The following PRDM16 variants were observed in gnomAD, a reference collection of about 807,000 sequenced individuals.
PRDM16 encodes the protein PR/SET domain 16, also known as histone-lysine N-methyltransferase PRDM16.
Under a neutral mutation model 110.6 loss-of-function variants are expected in PRDM16, and 23 were observed. The ratio of observed to expected loss-of-function variants is 0.21; its 90% CI spans 0.15 to 0.29. The LOEUF (loss-of-function observed/expected upper bound fraction) is 0.29, where lower values mean the gene tolerates loss of function less well. Ranked by LOEUF, PRDM16 falls within the 10% of genes least tolerant of loss-of-function variation. The pLI, the probability that PRDM16 is intolerant of heterozygous loss-of-function variation, is 1.00. For missense variants in PRDM16, 1,615 were observed against 1,794.3 expected, an observed-to-expected ratio of 0.90 and a Z score of 1.81; for synonymous variants, 799 against 781.8, an observed-to-expected ratio of 1.02 and a Z score of -0.37.
At chr1:3,189,087 G>C (rs1386419793) in intron 2 of PRDM16, among the ~76,000 whole-genome samples, 1 of 152,226 alleles carries the variant, frequency 6.6e-6, no homozygotes, top group Non-Finnish European at 1.5e-5. Flanking sequence ...CTCCTTCTCT[G>C]AGGACTTCTT....
intron 3 of PRDM16, among the ~76,000 whole-genome samples, chr1:3,251,854 A>G (rs1253567770): frequency 1.3e-5 from 2 of 152,230 alleles, no homozygotes; most frequent in Non-Finnish European, 2.9e-5. Context: ...GGAGAGAAAA[A>G]TAGATCAGCT....
chr1:3,263,903 A>G (rs1475689807), intron 3 of PRDM16, among the ~76,000 whole-genome samples: 1 of 152,136 alleles, frequency 6.6e-6, no homozygotes, highest in Non-Finnish European at 1.5e-5. Context: ...TCCTTCCTTC[A>G]GTCGACGCCT....
In PRDM16 at chr1:3,390,134, C is replaced by T. The variant is rs1273101290; in HGVS notation, c.573+4848C>T. Among the ~76,000 whole-genome samples the T allele has an allele frequency of 6.6e-6, 1 of 152,198 alleles. No individual in the cohort carries two copies. On this transcript the variant is annotated intron_variant, in intron 4 of 16. Transcript: ENST00000270722. This position sits in a 1 kb window ranked among gnomAD's most constrained non-coding sequence, Gnocchi z 5.0. ...TTAACGTGAAGAAAGAAAACAAGAG[C>T]TTGGCGATGAAGCGCCTGCGGGGGG...
intron 1 of PRDM16, among the ~76,000 whole-genome samples, chr1:3,135,929 C>T (rs1268842264): frequency 1.3e-5 from 2 of 151,770 alleles, no homozygotes; most frequent in Admixed American, 6.6e-5. Context: ...GGGGCAGGGG[C>T]CTCTTGGCGG....
chr1:3,229,782 C>T (rs1639365535), intron 2 of PRDM16, among the ~76,000 whole-genome samples: 1 of 152,202 alleles, frequency 6.6e-6, no homozygotes, highest in African/African-American at 2.4e-5. Context: ...TTCTGAGGCT[C>T]ATGGACAGCA....
rs537120779 is a variant in PRDM16 at position 3,236,524 on chromosome 1, TC to T, written c.388-7562del. On this transcript the variant is annotated intron_variant, in intron 2 of 16. Transcript: ENST00000270722. ...AAGGGAGTGGGGCCTCCTGGGTACT[TC>T]ACCAGCAAGCTGGGCGTGGCCATGG... is the stretch of plus-strand genomic sequence containing the variant. Among the ~76,000 whole-genome samples the T allele has an allele frequency of 1.9e-3, 283 of 152,300 alleles. 1 individual carries two copies. The highest frequency in any genetic ancestry group is 3.5e-3 in the Non-Finnish European group (235 of 68,002).
At chr1:3,104,141 G>T (rs961420407) in intron 1 of PRDM16, among the ~76,000 whole-genome samples, 7 of 152,194 alleles carry the variant, frequency 4.6e-5, no homozygotes, top group Non-Finnish European at 1.0e-4. Flanking sequence ...AGGGTCCCCC[G>T]AGGTCTGATG....
At position 3,243,227 on chromosome 1, in the gene PRDM16, G is replaced by C. The variant is rs968690190; in HGVS notation, c.388-860G>C. ...GCTGGGGGTCCTCAGTGGCCACCCC[G>C]GGCACCTGCATGGCACTAGGCACAG... On this transcript the variant is annotated intron_variant, in intron 2 of 16. Coordinates refer to ENST00000270722, the MANE Select transcript of PRDM16 (RefSeq NM_022114.4). This position sits in a 1 kb window ranked among gnomAD's most constrained non-coding sequence, Gnocchi z 5.5. 6.6e-6 allele frequency among the ~76,000 whole-genome samples: 1 copy of C among 152,180 alleles called. No homozygotes were observed. The highest frequency in any genetic ancestry group is 1.5e-5 in the Non-Finnish European group (1 of 68,028).
chr1:3,426,520 C>T (rs1468623401), intron 14 of PRDM16, among the ~76,000 whole-genome samples: 1 of 152,162 alleles, frequency 6.6e-6, no homozygotes, highest in African/African-American at 2.4e-5. Context: ...GAGCCGGGCA[C>T]AAGTTCAGCT....
chr1:3,395,625 C>T (rs1057384313), intron 4 of PRDM16, among the ~76,000 whole-genome samples: 5 of 152,198 alleles, frequency 3.3e-5, no homozygotes, highest in Non-Finnish European at 5.9e-5. Context: ...CACAGGGTTC[C>T]TTGTGCTGGC....
intron 1 of PRDM16, among the ~76,000 whole-genome samples, chr1:3,135,124 G>A (rs964734730): frequency 6.6e-6 from 1 of 152,226 alleles, no homozygotes. Context: ...ATTTTGGGGG[G>A]CTGCGGAGCA....
At chr1:3,247,610 T>A (rs1639817120) in intron 3 of PRDM16, among the ~76,000 whole-genome samples, 1 of 152,140 alleles carries the variant, frequency 6.6e-6, no homozygotes. Flanking sequence ...GACTCCCGCG[T>A]TCCCTCTGTC....
intron 4 of PRDM16, among the ~76,000 whole-genome samples, chr1:3,392,006 T>TGTG (rs1035132840): frequency 1.3e-5 from 2 of 152,316 alleles, no homozygotes; most frequent in African/African-American, 4.8e-5. Flanking sequence ...ACTCACAGCG[T>TGTG]GTGGAGACAG....
chr1:3,324,278 C>T (rs1204686678), intron 3 of PRDM16, among the ~76,000 whole-genome samples: 2 of 152,136 alleles, frequency 1.3e-5, no homozygotes, highest in African/African-American at 2.4e-5. Flanking sequence ...CCTGCAGGGT[C>T]GCCCCCAGCC....
In PRDM16 at chr1:3,378,038, C is replaced by T. The variant is rs148471724; in HGVS notation, c.439-7114C>T. Among the ~76,000 whole-genome samples, 13 of 152,328 alleles carry T rather than the reference C, an allele frequency of 8.5e-5. No homozygotes were observed. The East Asian group carries it at 1.9e-3, about 23-fold the overall frequency. On this transcript the variant is annotated intron_variant, in intron 3 of 16. Coordinates refer to ENST00000270722, the MANE Select transcript of PRDM16 (RefSeq NM_022114.4). ...CTCCCAGACGTGGCTGGATGTAGCA[C>T]GCACCCAGGTTGGAAAGGCTGGGCT...
intron 2 of PRDM16, among the ~76,000 whole-genome samples, chr1:3,192,350 A>C: frequency 6.6e-6 from 1 of 152,248 alleles, no homozygotes; most frequent in South Asian, 2.1e-4. Context: ...TTGAGCCAGA[A>C]GATCCTGGAG....
At position 3,244,611 on chromosome 1, in the gene PRDM16, A is replaced by G. The variant is rs555646304; in HGVS notation, c.438+474A>G. On this transcript the variant is annotated intron_variant, in intron 3 of 16. Coordinates refer to ENST00000270722, the MANE Select transcript of PRDM16 (RefSeq NM_022114.4). This position sits in a 1 kb window ranked among gnomAD's most constrained non-coding sequence, Gnocchi z 4.1. The stretch of plus-strand genomic sequence containing the variant: ...AATAAGCAAAACCACGAGGCGAGAG[A>G]AAAAGGGTCCACGTGGCATTATCCA... Among the ~76,000 whole-genome samples, 1 of 152,190 alleles carries G rather than the reference A, an allele frequency of 6.6e-6. No individual in the cohort carries two copies. Among genetic ancestry groups the G allele is most frequent in the Non-Finnish European group, 1.5e-5 (1 of 68,032 alleles).
Position 3,339,115 on chromosome 1 carries a change from C to T in PRDM16, c.439-46037C>T, listed in dbSNP as rs1022732766. On this transcript the variant is annotated intron_variant, in intron 3 of 16. Transcript: ENST00000270722. This position sits in a 1 kb window ranked among gnomAD's most constrained non-coding sequence, Gnocchi z 5.0. Reference sequence around the variant, plus strand: ...CGTGCACTCCCCTCTCTGGCCTCCCCATGTCCCGCCTTTCCGGGTGCTCAG... The same window carrying T: ...CGTGCACTCCCCTCTCTGGCCTCCCTATGTCCCGCCTTTCCGGGTGCTCAG... Among the ~76,000 whole-genome samples the T allele has an allele frequency of 6.6e-6, 1 of 152,180 alleles. No individual in the cohort carries two copies. Among genetic ancestry groups the T allele is most frequent in the Non-Finnish European group, 1.5e-5 (1 of 68,032 alleles).
intron 1 of PRDM16, among the ~76,000 whole-genome samples, chr1:3,169,198 TCTA>T (rs1479442480): frequency 1.3e-5 from 2 of 152,192 alleles, no homozygotes; most frequent in Non-Finnish European, 2.9e-5. Flanking sequence ...GTGTGGATTT[TCTA>T]CTGTTTCTTT....
Sources: gnomAD v4.1 joint callset for allele counts (sites outside exome capture counted in the v4.1 genomes callset) on GRCh38, gnomAD v4.1.1 for gene constraint, Gnocchi (gnomAD v3.1) non-coding constraint, MANE v1.5 for transcripts, NCBI Gene and HGNC (gene_info 2026-07-23, HGNC 2026-07-21) for gene names.